Variants in CMTM6 observed in about 807,000 individuals in gnomAD.
CMTM6 encodes the protein CKLF-like MARVEL transmembrane domain-containing protein 6.
CMTM6 carries 5 observed loss-of-function variants against 13.6 expected under a neutral mutation model. The ratio of observed to expected loss-of-function variants is 0.37; its 90% CI spans 0.19 to 0.77. CMTM6 has a LOEUF of 0.77. CMTM6 is among the 30% of genes least tolerant of loss of function. The pLI, the probability that CMTM6 is intolerant of heterozygous loss-of-function variation, is 0.50. For missense variants in CMTM6, 196 were observed against 218.6 expected (o/e 0.90, Z 0.65); for synonymous variants, 99 against 84.5 (o/e 1.17, Z -0.94).
At chr3:32,492,469 T>C (rs1282493226) in intron 1 of CMTM6, among the ~76,000 whole-genome samples, 1 of 152,198 alleles carries the variant, frequency 6.6e-6, no homozygotes, top group Admixed American at 6.5e-5. Flanking sequence ...GATCTAAATG[T>C]CCTCGTTAAT....
At chr3:32,498,320 T>A (rs973377053) in intron 1 of CMTM6, among the ~76,000 whole-genome samples, 6 of 152,216 alleles carry the variant, frequency 3.9e-5, no homozygotes, top group African/African-American at 1.4e-4. Flanking sequence ...TCCCACTCTG[T>A]ACTTCCTCTC....
chr3:32,487,992 T>C lies in CMTM6; in HGVS notation c.360A>G (p.Ala120=), dbSNP rs145338571. The C allele has an allele frequency of 6.2e-6, 10 of 1,613,718 alleles. No homozygotes were observed. The highest frequency in any genetic ancestry group is 5.3e-5 in the African/African-American group (4 of 74,906). The change falls in exon 3 of 4, where the codon GCA becomes GCG. Residue 120 remains alanine, a synonymous_variant. Coordinates refer to ENST00000205636, the MANE Select transcript of CMTM6 (RefSeq NM_017801.3). The stretch of plus-strand genomic sequence containing the variant: ...CATGTGTGGAAACAAAAATGATGGA[T>C]GCCAACAAAAACACACATCCTGTTC... The part of the protein sequence containing the change: ...TLGTGCVFLL[A]SIIFVSTHDR...
At chr3:32,485,854 A>T (rs1441104363) in intron 3 of CMTM6, among the ~76,000 whole-genome samples, 2 of 152,184 alleles carry the variant, frequency 1.3e-5, no homozygotes, top group Non-Finnish European at 2.9e-5. Flanking sequence ...GTATTAGCTG[A>T]CAACTCTATT....
chr3:32,502,578 C>T lies in CMTM6; in HGVS notation c.138+30G>A, dbSNP rs112518454. ...CCGGGCCAGACCCCGCTCCCCAGCC[C>T]GGGCTCGCCCTCCCTGACCGCGGAC... is the stretch of plus-strand genomic sequence containing the variant. On this transcript the variant is annotated intron_variant, in intron 1 of 3. Coordinates refer to ENST00000205636, the MANE Select transcript of CMTM6 (RefSeq NM_017801.3). 587 of 1,575,462 alleles carry T rather than the reference C, an allele frequency of 3.7e-4. No individual in the cohort carries two copies. The African/African-American group carries it at 5.1e-3, about 14-fold the overall frequency.
At position 32,487,924 on chromosome 3, in the gene CMTM6, TACA is replaced by T. The variant is rs773043157; in HGVS notation, c.414+11_414+13del. ...AAACAAAAATAAGCAATGTTAAAAA[TACA>T]AGGTACTTACAATTGCAGCAATCTC... On this transcript the variant is annotated intron_variant, in intron 3 of 3. Transcript: ENST00000205636. 1 of 1,577,818 alleles carries T rather than the reference TACA, an allele frequency of 6.3e-7. No homozygotes were observed. Among genetic ancestry groups the T allele is most frequent in the Non-Finnish European group, 8.7e-7 (1 of 1,148,988 alleles).
intron 2 of CMTM6, among the ~76,000 whole-genome samples, chr3:32,489,480 ATCTC>A (rs1294698234): frequency 6.6e-6 from 1 of 151,750 alleles, no homozygotes; most frequent in Non-Finnish European, 1.5e-5. Flanking sequence ...GTGAAACCCT[ATCTC>A]TATTAAAAAT....
Position 32,491,748 on chromosome 3 carries a change from A to G in CMTM6, c.277T>C (p.Phe93Leu). The G allele has an allele frequency of 6.2e-7, 1 of 1,603,974 alleles. No individual in the cohort carries two copies. The highest frequency in any genetic ancestry group is 1.3e-5 in the African/African-American group (1 of 74,452). The stretch of plus-strand genomic sequence containing the variant: ...TTTGTGGTATCAACTCTCTCATAAA[A>G]TGGAGTGCAATACACAATCAGTATA... ...LLILIVYCTP[F>L]YERVDTTKVK... The change falls in exon 2 of 4, where the codon TTT becomes CTT. Residue 93 changes from phenylalanine (F) to leucine (L), a missense_variant. Phe to Leu is a conservative substitution (Grantham distance 22, BLOSUM62 0). Transcript: ENST00000205636.
chr3:32,502,654 A>G lies in CMTM6; in HGVS notation c.92T>C (p.Met31Thr), dbSNP rs773593849. 21 of 1,595,094 alleles carry G rather than the reference A, an allele frequency of 1.3e-5. 1 individual carries two copies. The East Asian group carries it at 4.8e-4, about 36-fold the overall frequency. ...PRSGLAAYFF[M>T]GRLPLLRRVL... ...GCGCCGGAGCAATGGGAGCCGGCCC[A>G]TGAAAAAGTAGGCAGCGAGGCCGCT... Residue 31 changes from methionine (M) to threonine (T), a missense_variant, in exon 1 of 4, where the codon ATG becomes ACG. By Grantham distance (81) the Met-to-Thr change is moderately conservative. This residue lies in a region of CMTM6 where 85 missense variants were observed against 58.7 expected (regional missense o/e 1.45). Coordinates refer to ENST00000205636, the MANE Select transcript of CMTM6 (RefSeq NM_017801.3).
At chr3:32,487,160 G>A (rs769536774) in intron 3 of CMTM6, among the ~76,000 whole-genome samples, 6 of 152,016 alleles carry the variant, frequency 3.9e-5, no homozygotes, top group Non-Finnish European at 5.9e-5. Context: ...GAAAAGTGCC[G>A]GTGAGACTCC....
At position 32,481,708 on chromosome 3, in the gene CMTM6, T is replaced by A. The variant is rs548095383; in HGVS notation, c.*2252A>T. Reference sequence around the variant, plus strand: ...TACTCCTATTTATTTCCTTCTACAATAGAAAAGAAAGGCTAACCATTCATG... The same window carrying A: ...TACTCCTATTTATTTCCTTCTACAAAAGAAAAGAAAGGCTAACCATTCATG... On this transcript the variant is annotated 3_prime_UTR_variant, in exon 4 of 4. Coordinates refer to ENST00000205636, the MANE Select transcript of CMTM6 (RefSeq NM_017801.3). 5.3e-5 allele frequency: 8 copies of A among 152,238 alleles called. No homozygotes were observed. Among genetic ancestry groups the A allele is most frequent in the African/African-American group, 1.9e-4 (8 of 41,534 alleles). 9.4% of individuals were successfully genotyped at this position (152,238 alleles called of 1,614,324 possible).
intron 1 of CMTM6, among the ~76,000 whole-genome samples, chr3:32,494,947 T>C (rs1446519674): frequency 6.6e-6 from 1 of 151,808 alleles, no homozygotes; most frequent in Non-Finnish European, 1.5e-5. Context: ...TAGAAAGCTA[T>C]CCACATGGTA....
chr3:32,483,867 A>C lies in CMTM6; in HGVS notation c.*93T>G, dbSNP rs563907278. ...CCTTGCTCTCCAAAAGAAGTGGTTT[A>C]AACAATTAACAAATTTTACAAGAGC... On this transcript the variant is annotated 3_prime_UTR_variant, in exon 4 of 4. Coordinates refer to ENST00000205636, the MANE Select transcript of CMTM6 (RefSeq NM_017801.3). 21 of 1,280,824 alleles carry C rather than the reference A, an allele frequency of 1.6e-5. No homozygotes were observed. In the African/African-American group the frequency reaches 2.4e-4, roughly 15 times the overall value. 79.3% of individuals were successfully genotyped at this position (1,280,824 alleles called of 1,614,324 possible).
intron 3 of CMTM6, among the ~76,000 whole-genome samples, chr3:32,486,356 T>G (rs1315159997): frequency 6.6e-6 from 1 of 152,238 alleles, no homozygotes; most frequent in Non-Finnish European, 1.5e-5. Context: ...AAGGTTTTCA[T>G]GATTCACTTG....
At position 32,483,090 on chromosome 3, in the gene CMTM6, A is replaced by T. The variant is rs1697170243; in HGVS notation, c.*870T>A. 6.5e-6 allele frequency: 1 copy of T among 152,696 alleles called. No homozygotes were observed. The highest frequency in any genetic ancestry group is 2.4e-5 in the African/African-American group (1 of 41,472). 9.5% of individuals were successfully genotyped at this position (152,696 alleles called of 1,614,324 possible). A position where few individuals can be genotyped will look rare whatever the true frequency, so the allele number is the denominator to read the frequency against. Reference sequence around the variant, plus strand: ...GGAATTGAACCACTTTCTAAATCATAGTATGAACTCATCTCTTCAGATACT... The same window carrying T: ...GGAATTGAACCACTTTCTAAATCATTGTATGAACTCATCTCTTCAGATACT... On this transcript the variant is annotated 3_prime_UTR_variant, in exon 4 of 4. Transcript: ENST00000205636.
At chr3:32,499,697 G>T (rs750480074) in intron 1 of CMTM6, among the ~76,000 whole-genome samples, 7 of 152,104 alleles carry the variant, frequency 4.6e-5, no homozygotes, top group Non-Finnish European at 8.8e-5. Flanking sequence ...GCTCTGGAAG[G>T]GTGGATGGTA....
Position 32,502,444 on chromosome 3 carries a change from G to C in CMTM6, c.138+164C>G, listed in dbSNP as rs139810889. Among the ~76,000 whole-genome samples the C allele has an allele frequency of 6.4e-3, 979 of 152,338 alleles. 17 individuals are homozygous for C. Among genetic ancestry groups the C allele is most frequent in the African/African-American group, 0.022 (934 of 41,596 alleles). On this transcript the variant is annotated intron_variant, in intron 1 of 3. Transcript: ENST00000205636. ...TGAGGGGCCGCCCGGCGGAAGGGCG[G>C]AGGGTAACGCCCCCTTCCCCAGGCT...
At chr3:32,502,299 A>G (rs1697352005) in intron 1 of CMTM6, among the ~76,000 whole-genome samples, 2 of 152,230 alleles carry the variant, frequency 1.3e-5, no homozygotes, top group Admixed American at 6.5e-5. Context: ...GAAAGTCGCC[A>G]TAGAGGATGA....
chr3:32,499,364 T>C (rs541149582), intron 1 of CMTM6, among the ~76,000 whole-genome samples: 9 of 152,296 alleles, frequency 5.9e-5, no homozygotes, highest in African/African-American at 2.2e-4. Context: ...TCACTGGCGA[T>C]TTCTAAAACT....
chr3:32,497,112 G>A (rs1009145845), intron 1 of CMTM6, among the ~76,000 whole-genome samples: 3 of 152,120 alleles, frequency 2.0e-5, no homozygotes, highest in African/African-American at 4.8e-5. Flanking sequence ...CACCGGGCGC[G>A]GTGGCTCACG....
Sources: gnomAD v4.1 joint callset for allele counts (sites outside exome capture counted in the v4.1 genomes callset) on GRCh38, gnomAD v4.1.1 for gene constraint, gnomAD v4.1.1 regional missense constraint, MANE v1.5 for transcripts, NCBI Gene and HGNC (gene_info 2026-07-23, HGNC 2026-07-21) for gene names.